The following MDN1 variants were observed in gnomAD, a reference collection of about 807,000 sequenced individuals.
MDN1 encodes the protein midasin.
In MDN1, 266 loss-of-function variants were observed where a neutral mutation model predicts 669.2. The ratio of observed to expected loss-of-function variants is 0.40; its 90% CI spans 0.36 to 0.44. The LOEUF is 0.44. Ranked by LOEUF, MDN1 falls within the 20% of genes least tolerant of loss-of-function variation. MDN1 has a pLI of 1.00. For synonymous variants in MDN1, 2,385 were observed against 2,457.1 expected (o/e 0.97, Z 0.87); for missense variants, 5,940 against 6,754.0 (o/e 0.88, Z 4.22).
chr6:89,762,741 A>G (rs1440096102), intron 15 of MDN1, among the ~76,000 whole-genome samples: 2 of 152,208 alleles, frequency 1.3e-5, no homozygotes, highest in South Asian at 2.1e-4. Context: ...GGTAAAAACT[A>G]TTATTAGATA....
At position 89,683,276 on chromosome 6, in the gene MDN1, C is replaced by A. The variant is rs756157834; in HGVS notation, c.11958G>T (p.Arg3986=). The A allele has an allele frequency of 2.5e-5, 40 of 1,613,994 alleles. No homozygotes were observed. The highest frequency in any genetic ancestry group is 3.3e-5 in the Non-Finnish European group (39 of 1,180,034). ...KFEAVLSEPC[R]SSLVESDKEE... is the part of the protein sequence containing the mutation. ...CCTTGTCACTCTCCACCAGGGATGA[C>A]CGGCAGGGTTCACTCAGGACTGCTT... The change falls in exon 73 of 102, where the codon CGG becomes CGT. Residue 3986 remains arginine (R), a synonymous_variant. Coordinates refer to ENST00000369393, the MANE Select transcript of MDN1 (RefSeq NM_014611.3).
Position 89,674,387 on chromosome 6 carries a change from T to C in MDN1, c.12964A>G (p.Asn4322Asp). Residue 4322 changes from asparagine to aspartate, a missense_variant, in exon 79 of 102, where the codon AAT (asparagine) becomes GAT (aspartate). Asn to Asp is a conservative substitution (Grantham distance 23, BLOSUM62 1). Coordinates refer to ENST00000369393, the MANE Select transcript of MDN1 (RefSeq NM_014611.3). Reference sequence around the variant, plus strand: ...GGAGGCTGCCCCAGTACCTGGACATTGCCATGGCCTGGAGCTGGCCCTACA... The same window carrying C: ...GGAGGCTGCCCCAGTACCTGGACATCGCCATGGCCTGGAGCTGGCCCTACA... ...PSVGPAPGHG[N>D]VQVLGQPPGP... 1 of 1,614,184 alleles carries C rather than the reference T, an allele frequency of 6.2e-7. No individual in the cohort carries two copies. Among genetic ancestry groups the C allele is most frequent in the Non-Finnish European group, 8.5e-7 (1 of 1,180,018 alleles).
intron 73 of MDN1, among the ~76,000 whole-genome samples, chr6:89,682,776 CAAAAAAAAA>C (rs1168971439): frequency 2.8e-5 from 1 of 35,284 alleles, no homozygotes; most frequent in African/African-American, 1.0e-4. Flanking sequence ...CTCATCTCTA[CAAAAAAAAA>C]AAAAAAAAAA....
In MDN1 at chr6:89,670,904, G is replaced by A; in HGVS notation, c.13956+15C>T. 2 of 1,612,244 alleles carry A rather than the reference G, an allele frequency of 1.2e-6. No homozygotes were observed. The highest frequency in any genetic ancestry group is 1.7e-6 in the Non-Finnish European group (2 of 1,178,758). On this transcript the variant is annotated intron_variant, in intron 83 of 101. Transcript: ENST00000369393. ...GTCCCTGCTGCTCACAGTGCACCATGTGAACAGTCCTTACCTTCTGGGCAA... is the reference window on the plus strand; with the variant it reads ...GTCCCTGCTGCTCACAGTGCACCATATGAACAGTCCTTACCTTCTGGGCAA...
intron 24 of MDN1, among the ~76,000 whole-genome samples, chr6:89,750,078 C>A (rs1170591744): frequency 3.3e-5 from 5 of 152,174 alleles, no homozygotes; most frequent in African/African-American, 1.2e-4. Flanking sequence ...TAACACTAAC[C>A]CCATTCTCTG....
Position 89,789,849 on chromosome 6 carries a change from G to A in MDN1, c.1161C>T (p.Thr387=). 2 of 1,614,008 alleles carry A rather than the reference G, an allele frequency of 1.2e-6. No homozygotes were observed. Among genetic ancestry groups the A allele is most frequent in the Non-Finnish European group, 8.5e-7 (1 of 1,179,950 alleles). Residue 387 remains threonine, a synonymous_variant, in exon 7 of 102, where the codon ACC becomes ACT. Transcript: ENST00000369393. The part of the protein sequence containing the change: ...VPGEFVWQPG[T]LTQAATMGHW... ...GGCCCATTGTGGCTGCCTGTGTCAG[G>A]GTGCCAGGCTGCCACACAAACTCTC...
In MDN1 at chr6:89,696,511, A is replaced by T; in HGVS notation, c.9232T>A (p.Trp3078Arg). Reference protein sequence around the residue: ...KCCFEVLTSSWRASPWDVSGL... With the variant: ...KCCFEVLTSSRRASPWDVSGL... ...CTCACATCCCAGGGACTTGCTCTCC[A>T]GCTGCTGGTTAAGACTTCAAAGCAG... Residue 3078 changes from tryptophan to arginine, a missense_variant, in exon 60 of 102, where the codon TGG becomes AGG. Trp to Arg is a moderately radical substitution (Grantham distance 101, BLOSUM62 -3). Coordinates refer to ENST00000369393, the MANE Select transcript of MDN1 (RefSeq NM_014611.3). The T allele has an allele frequency of 1.2e-6, 2 of 1,614,244 alleles. No homozygotes were observed. The highest frequency in any genetic ancestry group is 4.5e-5 in the East Asian group (2 of 44,890).
chr6:89,749,874 T>C (rs1816857690), intron 24 of MDN1, 123 bp from the exon 25 acceptor site: 1 of 775,398 alleles, frequency 1.3e-6, no homozygotes, highest in Non-Finnish European at 2.0e-6. Context: ...TTTCTGTAGC[T>C]AGTCTTGCCT....
Position 89,701,548 on chromosome 6 carries a change from C to G in MDN1, c.8427+10G>C. The G allele has an allele frequency of 2.5e-6, 4 of 1,612,246 alleles. No homozygotes were observed. Among genetic ancestry groups the G allele is most frequent in the Non-Finnish European group, 3.4e-6 (4 of 1,179,564 alleles). ...CATTTCTTTTATTTACTAAATGCTT[C>G]CAGGTGTACCTTAAAAGGAAACGGT... is the stretch of plus-strand genomic sequence containing the variant. On this transcript the variant is annotated intron_variant, in intron 55 of 101. Transcript: ENST00000369393.
intron 36 of MDN1, 97 bp downstream of exon 36, chr6:89,728,834 A>G: frequency 7.9e-7 from 1 of 1,259,232 alleles, no homozygotes; most frequent in Non-Finnish European, 1.1e-6. Context: ...ATTTGAGGAT[A>G]CTGATAATGT....
At chr6:89,661,692 T>G in intron 87 of MDN1, 114 bp from the exon 88 acceptor site, 2 of 1,027,202 alleles carry the variant, frequency 1.9e-6, no homozygotes, top group South Asian at 1.8e-5. Context: ...ACACAATATC[T>G]ATTCCCTAAA....
At position 89,723,155 on chromosome 6, in the gene MDN1, A is replaced by T. The variant is rs906138532; in HGVS notation, c.5779-12T>A. On this transcript the variant is annotated splice_polypyrimidine_tract_variant and intron_variant, in intron 39 of 101. Coordinates refer to ENST00000369393, the MANE Select transcript of MDN1 (RefSeq NM_014611.3). ...ACTTCATGATCAATCTAGAAAGAAA[A>T]CATCCTGATTGGGAAACATGCCCTG... 2 of 1,612,858 alleles carry T rather than the reference A, an allele frequency of 1.2e-6. No homozygotes were observed. Among genetic ancestry groups the T allele is most frequent in the Non-Finnish European group, 1.7e-6 (2 of 1,179,130 alleles).
rs1443679838 is a variant in MDN1 at position 89,749,581 on chromosome 6, C to T, written c.3577G>A (p.Ala1193Thr). The T allele has an allele frequency of 1.2e-6, 2 of 1,614,072 alleles. No homozygotes were observed. The highest frequency in any genetic ancestry group is 2.2e-5 in the East Asian group (1 of 44,872). Residue 1193 changes from alanine (A) to threonine (T), a missense_variant, in exon 25 of 102, where the codon GCC (alanine) becomes ACC (threonine). Ala to Thr is a moderately conservative substitution (Grantham distance 58). Around this residue, in one of 5 missense-constraint regions of MDN1, gnomAD observed 2,292 missense variants for 2,638.3 expected, o/e 0.87. Transcript: ENST00000369393. Reference protein sequence around the residue: ...VKAHPRFMLFATQNPPGLYGG... With the variant: ...VKAHPRFMLFTTQNPPGLYGG... Reference sequence around the variant, plus strand: ...TAAAGTCCTGGGGGATTTTGGGTGGCAAAAAGCATAAACCGAGGGTGTGCT... The same window carrying T: ...TAAAGTCCTGGGGGATTTTGGGTGGTAAAAAGCATAAACCGAGGGTGTGCT...
rs775528888 is a variant in MDN1, at chr6:89,712,230, A to T, written c.7457T>A (p.Leu2486Ter). The T allele has an allele frequency of 6.2e-7, 1 of 1,614,008 alleles. No individual in the cohort carries two copies. The highest frequency in any genetic ancestry group is 8.5e-7 in the Non-Finnish European group (1 of 1,179,934). ...GCTGGGGGACTGCATAATTTTCTCT[A>T]AGTCTTGCAAGGTAAAAGGCTGACT... ...TRSQPFTLQDLEKIMQSPSPE... is the reference protein window; with the variant it reads ...TRSQPFTLQD The change falls in exon 49 of 102, where the codon TTA becomes TAA. Residue 2486 changes from leucine to a stop codon, truncating the protein, a stop_gained. Transcript: ENST00000369393. LOFTEE classifies it high-confidence loss of function.
intron 46 of MDN1, among the ~76,000 whole-genome samples, chr6:89,713,620 A>G (rs1814109005): frequency 6.6e-6 from 1 of 152,224 alleles, no homozygotes; most frequent in Non-Finnish European, 1.5e-5. Flanking sequence ...GTGTAACCTC[A>G]TAAAAGACCA....
intron 32 of MDN1, 41 bp from the exon 33 acceptor site, chr6:89,738,496 G>A: frequency 6.2e-7 from 1 of 1,607,750 alleles, no homozygotes; most frequent in Non-Finnish European, 8.5e-7. Context: ...TTTTAAAACT[G>A]TAAGGAAAGC....
rs902874230 is a variant in MDN1, at chr6:89,793,904, G to T, written c.713C>A (p.Ala238Asp). ...ACGCCAAAGGGAGACTTCTGGATTG[G>T]CCAAAACCAAGGCCTTCTCCAAGTC... ...LQDLEKALVLANPEVSLWRKQ... is the reference protein window; with the variant it reads ...LQDLEKALVLDNPEVSLWRKQ... Residue 238 changes from alanine to aspartate, a missense_variant, in exon 5 of 102, where the codon GCC becomes GAC. Physicochemically the swap from Ala to Asp is moderately radical, Grantham distance 126. This residue lies in a region of MDN1 where 1,203 missense variants were observed against 1,268.9 expected (regional missense o/e 0.95). Transcript: ENST00000369393. 6.2e-7 allele frequency: 1 copy of T among 1,613,994 alleles called. No homozygotes were observed. Among genetic ancestry groups the T allele is most frequent in the African/African-American group, 1.3e-5 (1 of 75,028 alleles).
At position 89,749,244 on chromosome 6, in the gene MDN1, A is replaced by G. The variant is rs764260847; in HGVS notation, c.3741T>C (p.Val1247=). ...GTACCTGAAGATCCAGCATGACTTTAACCAACTTGCTGCAATAGGAGGGTG... is the reference window on the plus strand; with the variant it reads ...GTACCTGAAGATCCAGCATGACTTTGACCAACTTGCTGCAATAGGAGGGTG... The part of the protein sequence containing the change: ...SLPPSYCSKL[V]KVMLDLQSYR... The change falls in exon 26 of 102, where the codon GTT becomes GTC. Residue 1247 remains valine (V), a synonymous_variant. Coordinates refer to ENST00000369393, the MANE Select transcript of MDN1 (RefSeq NM_014611.3). 3 of 1,614,108 alleles carry G rather than the reference A, an allele frequency of 1.9e-6. No homozygotes were observed.
Position 89,690,004 on chromosome 6 carries a change from A to G in MDN1, c.10889T>C (p.Leu3630Ser). 1 of 1,614,184 alleles carries G rather than the reference A, an allele frequency of 6.2e-7. No homozygotes were observed. The highest frequency in any genetic ancestry group is 8.5e-7 in the Non-Finnish European group (1 of 1,180,034). The stretch of plus-strand genomic sequence containing the variant: ...GAGGGATCGAGCAAAGTTGAGACAC[A>G]ATTGCTGGTGTATCAGCATTACTGC... ...MQAVMLIHQQ[L>S]CLNFARSLWY... The change falls in exon 65 of 102, where the codon TTG becomes TCG. Residue 3630 changes from leucine (L) to serine (S), a missense_variant. Transcript: ENST00000369393.
Sources: gnomAD v4.1 joint callset for allele counts (sites outside exome capture counted in the v4.1 genomes callset) on GRCh38, gnomAD v4.1.1 for gene constraint, gnomAD v4.1.1 regional missense constraint, MANE v1.5 for transcripts, NCBI Gene and HGNC (gene_info 2026-07-23, HGNC 2026-07-21) for gene names.